The following GLIS3 variants were observed in gnomAD, a reference collection of about 807,000 sequenced individuals.
GLIS3 encodes GLIS family zinc finger 3.
A neutral mutation model predicts 78.6 loss-of-function variants in GLIS3; 53 were observed. The ratio of observed to expected loss-of-function variants is 0.67; its 90% CI spans 0.54 to 0.85. The LOEUF is 0.85. GLIS3 is among the 40% of genes least tolerant of loss of function. The pLI is 0.00. For synonymous variants in GLIS3, 684 were observed against 509.9 expected, an observed-to-expected ratio of 1.34 and a Z score of -4.60; for missense variants, 1,703 against 1,231.1, an observed-to-expected ratio of 1.38 and a Z score of -5.74.
the GLIS3 span, among the ~76,000 whole-genome samples, chr9:4,436,443 T>G: frequency 6.6e-6 from 1 of 152,116 alleles, no homozygotes; most frequent in Non-Finnish European, 1.5e-5. Flanking sequence ...TCTGTTCAGG[T>G]TCCTCATATC....
At chr9:4,289,050 C>G (rs7034200) in intron 1 of GLIS3, among the ~76,000 whole-genome samples, 2 of 151,878 alleles carry the variant, frequency 1.3e-5, no homozygotes, top group African/African-American at 4.8e-5. Flanking sequence ...TCCTAAGTCT[C>G]CTTGGTAACA....
intron 9 of GLIS3, among the ~76,000 whole-genome samples, chr9:3,832,256 T>C (rs1818091348): frequency 6.6e-6 from 1 of 150,944 alleles, no homozygotes; most frequent in African/African-American, 2.4e-5. Context: ...GTTTGCTAAA[T>C]AAAAAATAAA....
intron 2 of GLIS3, among the ~76,000 whole-genome samples, chr9:4,266,111 G>C (rs1204356385): frequency 1.3e-5 from 2 of 151,886 alleles, no homozygotes. Context: ...GTAGAGACAA[G>C]GTTTCACCAT....
At chr9:3,969,595 C>G (rs1396642193) in intron 4 of GLIS3, among the ~76,000 whole-genome samples, 1 of 152,178 alleles carries the variant, frequency 6.6e-6, no homozygotes, top group African/African-American at 2.4e-5. Flanking sequence ...TAATCAGCAC[C>G]TTCAGCTGGG....
chr9:4,108,354 G>A (rs551683462), intron 4 of GLIS3, among the ~76,000 whole-genome samples: 11 of 152,206 alleles, frequency 7.2e-5, no homozygotes, highest in Admixed American at 2.6e-4. Flanking sequence ...GCCTCAATTC[G>A]ATGGAGAGCA....
rs772241263 is a variant in GLIS3, at chr9:4,286,345, G to C, written c.81C>G (p.His27Gln). Residue 27 changes from histidine to glutamine, a missense_variant, in exon 2 of 11, where the codon CAC becomes CAG. Physicochemically the swap from His to Gln is conservative, Grantham distance 24. Transcript: ENST00000381971. The stretch of plus-strand genomic sequence containing the variant: ...CGGAGTGGGCTCGGATGGCAGGAAT[G>C]TGATGACCACTGACCATCCTAGGCC... ...PQGPRMVSGH[H>Q]IPAIRAHSGT... 4.3e-6 allele frequency: 7 copies of C among 1,614,106 alleles called. No homozygotes were observed. The highest frequency in any genetic ancestry group is 4.2e-6 in the Non-Finnish European group (5 of 1,180,036).
At chr9:4,470,520 T>A in the GLIS3 span, among the ~76,000 whole-genome samples, 1 of 152,156 alleles carries the variant, frequency 6.6e-6, no homozygotes, top group African/African-American at 2.4e-5. Context: ...ATTATCTCAA[T>A]AGATGCAGAA....
the GLIS3 span, among the ~76,000 whole-genome samples, chr9:4,401,404 C>G: frequency 6.6e-6 from 1 of 151,462 alleles, no homozygotes; most frequent in Non-Finnish European, 1.5e-5. Flanking sequence ...GGGTTACAGG[C>G]TTAAGCCACC....
At chr9:4,263,737 C>A (rs189506768) in intron 2 of GLIS3, among the ~76,000 whole-genome samples, 2 of 152,174 alleles carry the variant, frequency 1.3e-5, no homozygotes, top group East Asian at 3.8e-4. Context: ...TTCATCTTAT[C>A]TGACGTCTCA....
intron 4 of GLIS3, among the ~76,000 whole-genome samples, chr9:3,949,341 TTAAC>T (rs1330654031): frequency 6.6e-6 from 1 of 152,226 alleles, no homozygotes; most frequent in Non-Finnish European, 1.5e-5. Context: ...ATCTTCCTTT[TTAAC>T]TAACTATACT....
chr9:4,397,334 T>C, the GLIS3 span, among the ~76,000 whole-genome samples: 3 of 151,744 alleles, frequency 2.0e-5, no homozygotes, highest in Admixed American at 6.5e-5. Flanking sequence ...CGTCAATCCA[T>C]TATTTTTATT....
At chr9:3,962,748 G>A (rs543826970) in intron 4 of GLIS3, among the ~76,000 whole-genome samples, 1 of 152,302 alleles carries the variant, frequency 6.6e-6, no homozygotes, top group Admixed American at 6.5e-5. Flanking sequence ...CACAGATTCA[G>A]CTGAGTGCTA....
chr9:4,424,625 A>C, the GLIS3 span, among the ~76,000 whole-genome samples: 1,589 of 152,278 alleles, frequency 0.01, 30 homozygotes, highest in African/African-American at 0.036. Flanking sequence ...GTGCAGAGGC[A>C]TGATCACACC....
intron 2 of GLIS3, among the ~76,000 whole-genome samples, chr9:4,141,184 G>A (rs1374040950): frequency 1.3e-5 from 2 of 152,198 alleles, no homozygotes; most frequent in African/African-American, 4.8e-5. Flanking sequence ...AGAGCCTTCT[G>A]AAAGAGGATA....
intron 4 of GLIS3, among the ~76,000 whole-genome samples, chr9:4,050,207 G>A (rs548088786): frequency 4.7e-4 from 71 of 152,246 alleles, no homozygotes; most frequent in South Asian, 1.2e-3. Flanking sequence ...CAAATATCCA[G>A]CAATGATAGA....
chr9:4,171,797 C>T (rs896473098), intron 2 of GLIS3, among the ~76,000 whole-genome samples: 5 of 152,176 alleles, frequency 3.3e-5, no homozygotes, highest in African/African-American at 1.2e-4. Flanking sequence ...TTTGGAACTA[C>T]AGTACCATAC....
chr9:3,958,347 C>T (rs775404616), intron 4 of GLIS3, among the ~76,000 whole-genome samples: 1 of 152,096 alleles, frequency 6.6e-6, no homozygotes, highest in Non-Finnish European at 1.5e-5. Context: ...ATAAAAGTTT[C>T]CTACATCGAT....
chr9:3,922,625 G>A (rs1315013692), intron 6 of GLIS3, among the ~76,000 whole-genome samples: 1 of 152,094 alleles, frequency 6.6e-6, no homozygotes, highest in Middle Eastern at 3.2e-3. Context: ...AGGTGGGGAA[G>A]GATAGGAGAG....
At chr9:3,913,915 A>G (rs542658725) in intron 6 of GLIS3, among the ~76,000 whole-genome samples, 1 of 152,346 alleles carries the variant, frequency 6.6e-6, no homozygotes, top group Non-Finnish European at 1.5e-5. Context: ...TGAACAAGTA[A>G]ATGAATGAAT....
Sources: allele counts gnomAD v4.1 joint callset (sites outside exome capture counted in the v4.1 genomes callset), GRCh38; gene constraint gnomAD v4.1.1; transcripts MANE v1.5; gene names NCBI Gene and HGNC (gene_info 2026-07-23, HGNC 2026-07-21).